CADM2: variants seen among roughly 807,000 people sequenced by gnomAD.
CADM2 encodes cell adhesion molecule 2.
CADM2 carries 12 observed loss-of-function variants against 49.8 expected under a neutral mutation model. The observed-to-expected ratio is 0.24, with a 90% CI of 0.15 to 0.39. CADM2 has a LOEUF of 0.39. Among genes scored for constraint, CADM2 ranks in the 10% least tolerant of loss-of-function variants. CADM2 has a pLI of 1.00. For synonymous variants in CADM2, 214 were observed against 175.4 expected (o/e 1.22, Z -1.74); for missense variants, 378 against 492.3 (o/e 0.77, Z 2.20).
intron 2 of CADM2, among the ~76,000 whole-genome samples, chr3:85,735,368 A>G (rs979405497): frequency 6.6e-6 from 1 of 152,166 alleles, no homozygotes; most frequent in Non-Finnish European, 1.5e-5. Flanking sequence ...GGCCTAACTT[A>G]TTTGAGCAAT....
intron 1 of CADM2, among the ~76,000 whole-genome samples, chr3:85,110,508 G>T (rs2038409959): frequency 6.6e-6 from 1 of 151,612 alleles, no homozygotes; most frequent in African/African-American, 2.4e-5. Context: ...AGGATCCTCA[G>T]GATAAAAAAT....
chr3:85,174,294 A>C (rs1175431678), intron 1 of CADM2, among the ~76,000 whole-genome samples: 1 of 152,170 alleles, frequency 6.6e-6, no homozygotes, highest in Non-Finnish European at 1.5e-5. Flanking sequence ...AAGAAAGCGA[A>C]AAGCACATAA....
At chr3:85,740,974 A>G (rs2068356991) in intron 2 of CADM2, among the ~76,000 whole-genome samples, 1 of 152,210 alleles carries the variant, frequency 6.6e-6, no homozygotes, top group African/African-American at 2.4e-5. Flanking sequence ...ATCCTAGTTC[A>G]GGACAACAAT....
chr3:85,371,761 G>A (rs1459097808), intron 1 of CADM2, among the ~76,000 whole-genome samples: 2 of 143,026 alleles, frequency 1.4e-5, no homozygotes, highest in Non-Finnish European at 3.0e-5. Context: ...CTAAAATACA[G>A]TATTTACAGG....
intron 2 of CADM2, 86 bp from the exon 3 acceptor site, chr3:85,801,961 T>G: frequency 2.0e-5 from 22 of 1,080,796 alleles, no homozygotes; most frequent in Middle Eastern, 3.1e-4. Context: ...TTATTTTGCA[T>G]GAGAAGTTAA....
chr3:85,613,311 TA>T (rs1291786100), intron 1 of CADM2, among the ~76,000 whole-genome samples: 1 of 151,622 alleles, frequency 6.6e-6, no homozygotes, highest in Non-Finnish European at 1.5e-5. Context: ...TATAACCTAA[TA>T]AAAACATACA....
At chr3:85,623,759 A>G (rs1032869748) in intron 1 of CADM2, among the ~76,000 whole-genome samples, 2 of 152,184 alleles carry the variant, frequency 1.3e-5, no homozygotes, top group Non-Finnish European at 2.9e-5. Context: ...GTGAGATGAC[A>G]TTTCCATTAA....
At chr3:86,005,355 A>G (rs902601220) in intron 8 of CADM2, among the ~76,000 whole-genome samples, 3 of 152,160 alleles carry the variant, frequency 2.0e-5, no homozygotes, top group Admixed American at 6.5e-5. Context: ...GTTTGAGACC[A>G]GCCTGGCCAA....
intron 8 of CADM2, among the ~76,000 whole-genome samples, chr3:86,026,437 GA>G (rs1733914651): frequency 6.6e-6 from 1 of 152,014 alleles, no homozygotes; most frequent in African/African-American, 2.4e-5. Flanking sequence ...CTGTATCATG[GA>G]TTTTTTGTAG....
intron 1 of CADM2, among the ~76,000 whole-genome samples, chr3:85,367,470 A>G (rs2032869066): frequency 6.6e-6 from 1 of 151,702 alleles, no homozygotes; most frequent in African/African-American, 2.4e-5. Flanking sequence ...CACTGCTTGG[A>G]GTCTTAAGAT....
chr3:85,979,523 A>C (rs951249845), intron 8 of CADM2, among the ~76,000 whole-genome samples: 1 of 151,666 alleles, frequency 6.6e-6, no homozygotes, highest in African/African-American at 2.4e-5. Flanking sequence ...GATTTAAAAT[A>C]TATGGGACTT....
chr3:85,577,134 C>T (rs147361524), intron 1 of CADM2, among the ~76,000 whole-genome samples: 1 of 152,054 alleles, frequency 6.6e-6, no homozygotes, highest in African/African-American at 2.4e-5. Context: ...TTTTTTCTTA[C>T]AAAGGGTTTT....
intron 7 of CADM2, among the ~76,000 whole-genome samples, chr3:85,951,484 T>C (rs1486921692): frequency 6.6e-6 from 1 of 151,038 alleles, no homozygotes; most frequent in Non-Finnish European, 1.5e-5. Flanking sequence ...ACAAATCCAA[T>C]TTAACAAATG....
At chr3:85,236,733 C>CGTATTAATGGATTTCAAA (rs2042415705) in intron 1 of CADM2, among the ~76,000 whole-genome samples, 2 of 151,966 alleles carry the variant, frequency 1.3e-5, no homozygotes, top group East Asian at 1.9e-4. Context: ...TCTTCACATA[C>CGTATTAATGGATTTCAAA]GTATTAATGG....
intron 5 of CADM2, among the ~76,000 whole-genome samples, chr3:85,897,549 G>A (rs1328583914): frequency 4.6e-5 from 7 of 151,870 alleles, no homozygotes; most frequent in Non-Finnish European, 5.9e-5. Context: ...GATTACAGGC[G>A]TGAGCCACCG....
rs191785129 is a variant in CADM2 at position 86,038,062 on chromosome 3, C to A, written c.971-27543C>A. On this transcript the variant is annotated intron_variant, in intron 8 of 9. Transcript: ENST00000383699. Reference sequence around the variant, plus strand: ...CTATGTGTTCTCATTGTTCACCTCCCACTTATGAGTGAGAACATACAGTGT... The same window carrying A: ...CTATGTGTTCTCATTGTTCACCTCCAACTTATGAGTGAGAACATACAGTGT... 3.5e-3 allele frequency among the ~76,000 whole-genome samples: 529 copies of A among 152,186 alleles called. 1 individual carries two copies. Among genetic ancestry groups the A allele is most frequent in the Admixed American group, 0.011 (169 of 15,286 alleles).
intron 2 of CADM2, among the ~76,000 whole-genome samples, chr3:85,750,589 C>T (rs2068818620): frequency 6.6e-6 from 1 of 152,006 alleles, no homozygotes. Flanking sequence ...AAAAATACAA[C>T]AAAGAAAATA....
chr3:85,287,026 G>A (rs1455272323), intron 1 of CADM2, among the ~76,000 whole-genome samples: 4 of 152,096 alleles, frequency 2.6e-5, no homozygotes, highest in Non-Finnish European at 5.9e-5. Context: ...ATGCCCCTCT[G>A]AAAATTTATT....
rs561209824 is a variant in CADM2, at chr3:85,591,634, G to A, written c.62-134888G>A. On this transcript the variant is annotated intron_variant, in intron 1 of 9. Transcript: ENST00000383699. ...TTGGGATTAAGGGAATCACTCCTTC[G>A]TGTTTAATAATGCAGCAGGGAAGGC... Among the ~76,000 whole-genome samples, 16 of 152,044 alleles carry A rather than the reference G, an allele frequency of 1.1e-4. No homozygotes were observed. In the East Asian group the frequency reaches 1.6e-3, roughly 15 times the overall value.
Sources: allele counts gnomAD v4.1 joint callset (sites outside exome capture counted in the v4.1 genomes callset), GRCh38; gene constraint gnomAD v4.1.1; transcripts MANE v1.5; gene names NCBI Gene and HGNC (gene_info 2026-07-23, HGNC 2026-07-21).